The following UPP2 variants were observed in gnomAD, a reference collection of about 807,000 sequenced individuals.
The protein encoded by UPP2 is uridine phosphorylase 2.
Under a neutral mutation model 26.7 loss-of-function variants are expected in UPP2, and 23 were observed. That is an observed-to-expected ratio of 0.86 (90% confidence interval 0.62 to 1.22). The LOEUF is 1.22. Among genes scored for constraint, UPP2 ranks in the 50% most tolerant of loss-of-function variants. The probability of loss-of-function intolerance (pLI) is 0.00; values close to 1 mark genes in which losing one functional copy is unlikely to be tolerated. For missense variants in UPP2, 387 were observed against 396.7 expected, an observed-to-expected ratio of 0.98 and a Z score of 0.21; for synonymous variants, 127 against 141.3, an observed-to-expected ratio of 0.90 and a Z score of 0.72.
chr2:158,122,107 A>G (rs1201293667), intron 5 of UPP2, among the ~76,000 whole-genome samples: 1 of 151,900 alleles, frequency 6.6e-6, no homozygotes, highest in African/African-American at 2.4e-5. Flanking sequence ...GGGGTCCCCA[A>G]ACCAAGTTTA....
chr2:158,033,580 G>A (rs1225696077), intron 3 of UPP2, among the ~76,000 whole-genome samples: 2 of 152,164 alleles, frequency 1.3e-5, no homozygotes, highest in East Asian at 1.9e-4. Flanking sequence ...CTGGGGAATG[G>A]GCGGTCCAGC....
At chr2:158,131,745 G>T (rs1189203123) in intron 6 of UPP2, among the ~76,000 whole-genome samples, 1 of 152,150 alleles carries the variant, frequency 6.6e-6, no homozygotes, top group Admixed American at 6.5e-5. Flanking sequence ...TGAGGATTTT[G>T]CTAGCAAAGC....
At chr2:158,037,943 T>C (rs1005559939) in intron 3 of UPP2, among the ~76,000 whole-genome samples, 5 of 152,210 alleles carry the variant, frequency 3.3e-5, no homozygotes, top group Non-Finnish European at 7.4e-5. Context: ...AGCAACATCT[T>C]AGATGGTTTT....
intron 2 of UPP2, among the ~76,000 whole-genome samples, chr2:158,003,714 T>TAA (rs5835683): frequency 0.02 from 2,615 of 132,094 alleles, 94 homozygotes; most frequent in East Asian, 0.16. Flanking sequence ...TCTCAAAAAA[T>TAA]AAAAAAAAAA....
At chr2:158,068,541 A>T (rs1202740348) in intron 3 of UPP2, among the ~76,000 whole-genome samples, 1 of 151,734 alleles carries the variant, frequency 6.6e-6, no homozygotes, top group East Asian at 1.9e-4. Flanking sequence ...GTTCTGTTTG[A>T]CTATGACAGA....
intron 3 of UPP2, among the ~76,000 whole-genome samples, chr2:158,025,445 A>T (rs1206159467): frequency 6.6e-6 from 1 of 152,148 alleles, no homozygotes; most frequent in Non-Finnish European, 1.5e-5. Flanking sequence ...AGGAGCAGCT[A>T]CAGGGGAGGG....
At chr2:157,995,338 A>C (rs760370413) in intron 2 of UPP2, 2 of 1,480,872 alleles carry the variant, frequency 1.4e-6, no homozygotes, top group Non-Finnish European at 1.9e-6. Flanking sequence ...GTACAAATTA[A>C]TTTTGAATTA....
In UPP2 at chr2:158,135,011, C is replaced by G. The variant is rs377037475; in HGVS notation, c.*121C>G. ...CTCATCCACATGCTAAATGGAAAGACTTTATGAAATCCTTCTCTCTTAAAA... is the reference window on the plus strand; with the variant it reads ...CTCATCCACATGCTAAATGGAAAGAGTTTATGAAATCCTTCTCTCTTAAAA... On this transcript the variant is annotated 3_prime_UTR_variant, in exon 7 of 7. Transcript: ENST00000005756. The G allele has an allele frequency of 3.4e-6, 4 of 1,180,440 alleles. No individual in the cohort carries two copies. The highest frequency in any genetic ancestry group is 2.8e-5 in the East Asian group (1 of 35,760). The allele number at this position is 1,180,440 out of a possible 1,614,324, so 73.1% of individuals were successfully genotyped here.
Position 158,000,670 on chromosome 2 carries a change from T to G in UPP2, c.61+5411T>G, listed in dbSNP as rs374559160. On this transcript the variant is annotated intron_variant, in intron 2 of 9. Coordinates refer to the UPP2 transcript ENST00000605860. ...TCCAAGTATCAAATCTCGGAGAAAT[T>G]TATTGGCCTGTTAGAGTCACATGTC... Among the ~76,000 whole-genome samples the G allele has an allele frequency of 7.2e-5, 11 of 152,332 alleles. No homozygotes were observed. The South Asian group carries it at 1.7e-3, about 23-fold the overall frequency.
intron 3 of UPP2, among the ~76,000 whole-genome samples, chr2:158,042,467 C>T (rs1337723909): frequency 6.6e-6 from 1 of 152,146 alleles, no homozygotes; most frequent in Non-Finnish European, 1.5e-5. Context: ...GTTGGATTAG[C>T]ACTGATTAAG....
chr2:158,001,357 T>C (rs1324807822), intron 2 of UPP2, among the ~76,000 whole-genome samples: 3 of 152,156 alleles, frequency 2.0e-5, no homozygotes, highest in Admixed American at 6.5e-5. Flanking sequence ...GACAGAATGA[T>C]GTTGGTGCTG....
intron 6 of UPP2, among the ~76,000 whole-genome samples, chr2:158,132,638 T>C (rs1255836724): frequency 6.6e-6 from 1 of 152,074 alleles, no homozygotes; most frequent in Non-Finnish European, 1.5e-5. Context: ...ATACATCTGA[T>C]AAGAGGTAAT....
intron 2 of UPP2, among the ~76,000 whole-genome samples, chr2:158,003,346 G>A (rs921792524): frequency 3.3e-5 from 5 of 152,102 alleles, no homozygotes; most frequent in East Asian, 1.9e-4. Flanking sequence ...AGAGTGATTC[G>A]ATGAATAAAT....
intron 3 of UPP2, among the ~76,000 whole-genome samples, chr2:158,116,598 G>A (rs898337444): frequency 9.2e-5 from 14 of 152,184 alleles, no homozygotes; most frequent in African/African-American, 2.2e-4. Flanking sequence ...AATGGGGTGC[G>A]TGTGTGTGAA....
intron 3 of UPP2, among the ~76,000 whole-genome samples, chr2:158,048,565 C>T (rs1682090149): frequency 6.6e-6 from 1 of 152,198 alleles, no homozygotes; most frequent in Non-Finnish European, 1.5e-5. Context: ...GATTGCACTA[C>T]TGCACTCCAG....
At chr2:158,083,932 C>G (rs1682772584) in intron 3 of UPP2, among the ~76,000 whole-genome samples, 1 of 149,914 alleles carries the variant, frequency 6.7e-6, no homozygotes, top group Non-Finnish European at 1.5e-5. Flanking sequence ...TGGGCTGGTT[C>G]CATATTTTTG....
chr2:158,132,135 T>C (rs1432995731), intron 6 of UPP2, among the ~76,000 whole-genome samples: 2 of 152,244 alleles, frequency 1.3e-5, no homozygotes, highest in East Asian at 3.8e-4. Flanking sequence ...GCTCTTCCAT[T>C]TGCTTGTTTA....
chr2:158,006,937 C>G (rs960325851), intron 2 of UPP2, among the ~76,000 whole-genome samples: 2 of 152,172 alleles, frequency 1.3e-5, no homozygotes, highest in Admixed American at 1.3e-4. Context: ...ATTTTGTGTA[C>G]CAGAAGGCCC....
At chr2:158,065,867 T>C in intron 3 of UPP2, 1 of 656,782 alleles carries the variant, frequency 1.5e-6, no homozygotes, top group South Asian at 1.6e-5. Flanking sequence ...TTGCAGGCCT[T>C]GGGAGAGCTC....
Sources: gnomAD v4.1 joint callset for allele counts (sites outside exome capture counted in the v4.1 genomes callset) on GRCh38, gnomAD v4.1.1 for gene constraint, MANE v1.5 for transcripts, NCBI Gene and HGNC (gene_info 2026-07-23, HGNC 2026-07-21) for gene names.